Variants in ZNF687 observed in about 807,000 individuals in gnomAD.
The protein encoded by ZNF687 is zinc finger protein 687.
A neutral mutation model predicts 71.8 loss-of-function variants in ZNF687; 13 were observed. That is an observed-to-expected ratio of 0.18 (90% CI 0.12 to 0.29). The LOEUF (loss-of-function observed/expected upper bound fraction) is 0.29, where lower values mean the gene tolerates loss of function less well. Ranked by LOEUF, ZNF687 falls within the 10% of genes least tolerant of loss-of-function variation. The pLI is 1.00. For missense variants in ZNF687, 1,412 were observed against 1,625.6 expected, an observed-to-expected ratio of 0.87 and a Z score of 2.26; for synonymous variants, 673 against 641.6, an observed-to-expected ratio of 1.05 and a Z score of -0.74.
In ZNF687 at chr1:151,291,393, GC is replaced by G. The variant is rs1694242507; in HGVS notation, c.*187del. ...TATTTGCAACCTCCCTTTGGGTTTG[GC>G]CCTGGAGTCCTAGTAGAGTGGACCC... On this transcript the variant is annotated 3_prime_UTR_variant, in exon 9 of 9. Coordinates refer to ENST00000336715, the MANE Select transcript of ZNF687 (RefSeq NM_020832.3). 1 of 782,134 alleles carries G rather than the reference GC, an allele frequency of 1.3e-6. No individual in the cohort carries two copies. Among genetic ancestry groups the G allele is most frequent in the South Asian group, 1.9e-5 (1 of 51,820 alleles). 48.4% of individuals were successfully genotyped at this position (782,134 alleles called of 1,614,324 possible). A position where few individuals can be genotyped will look rare whatever the true frequency, so the allele number is the denominator to read the frequency against.
chr1:151,284,596 T>C (rs190400574), intron 1 of ZNF687, among the ~76,000 whole-genome samples: 3 of 152,270 alleles, frequency 2.0e-5, no homozygotes, highest in African/African-American at 7.2e-5. Flanking sequence ...TGATCCTGCA[T>C]GACCCCTGAC....
intron 1 of ZNF687, chr1:151,283,934 A>G: frequency 1.0e-6 from 1 of 985,376 alleles, no homozygotes; most frequent in Non-Finnish European, 1.2e-6. Context: ...ATGGATAGGG[A>G]TAGACTCTTT....
rs942599798 is a variant in ZNF687 at position 151,282,299 on chromosome 1, AG to A, written c.-112del. 1 of 1,002,592 alleles carries A rather than the reference AG, an allele frequency of 1.0e-6. No homozygotes were observed. The highest frequency in any genetic ancestry group is 1.7e-5 in the African/African-American group (1 of 57,824). 62.1% of individuals were successfully genotyped at this position (1,002,592 alleles called of 1,614,324 possible). A position where few individuals can be genotyped will look rare whatever the true frequency, so the allele number is the denominator to read the frequency against. ...TGGGGAGGCCGAACCGGAGAGAAGCAGGAAGTAGCGGCGGCCGCGGGGAGGG... is the reference window on the plus strand; with the variant it reads ...TGGGGAGGCCGAACCGGAGAGAAGCAGAAGTAGCGGCGGCCGCGGGGAGGG... On this transcript the variant is annotated 5_prime_UTR_variant, in exon 1 of 9. Transcript: ENST00000336715.
At chr1:151,282,636 C>T (rs926008376) in intron 1 of ZNF687, among the ~76,000 whole-genome samples, 2 of 152,166 alleles carry the variant, frequency 1.3e-5, no homozygotes, top group African/African-American at 4.8e-5. Flanking sequence ...AACCCCAGGT[C>T]CTGGCGCCCC....
chr1:151,287,269 G>A lies in ZNF687; in HGVS notation c.978G>A (p.Arg326=), dbSNP rs141784082. 10 of 1,614,086 alleles carry A rather than the reference G, an allele frequency of 6.2e-6. No homozygotes were observed. In the Admixed American group the frequency reaches 8.3e-5, roughly 13 times the overall value. Residue 326 remains arginine (R), a synonymous_variant, in exon 2 of 9, where the codon AGG becomes AGA. Coordinates refer to ENST00000336715, the MANE Select transcript of ZNF687 (RefSeq NM_020832.3). This position sits in a 1 kb window ranked among gnomAD's most constrained non-coding sequence, Gnocchi z 5.0. ...SNDSPASSSS[R]PLKVRIKTIK... is the part of the protein sequence containing the mutation. ...ACTCCCCTGCCTCCAGCTCCTCTAG[G>A]CCTCTTAAGGTGCGGATCAAGACCA... is the stretch of plus-strand genomic sequence containing the variant.
At position 151,286,631 on chromosome 1, in the gene ZNF687, A is replaced by G; in HGVS notation, c.340A>G (p.Lys114Glu). ...GDGAQAAGVT[K>E]EGPVGPHRMQ... ...CGGGGCCCAGGCTGCTGGGGTAACT[A>G]AAGAAGGGCCTGTGGGGCCTCATCG... Residue 114 changes from lysine to glutamate, a missense_variant, in exon 2 of 9, where the codon AAA (lysine) becomes GAA (glutamate). Transcript: ENST00000336715. 1.2e-6 allele frequency: 2 copies of G among 1,614,214 alleles called. No homozygotes were observed. Among genetic ancestry groups the G allele is most frequent in the Non-Finnish European group, 1.7e-6 (2 of 1,180,034 alleles).
intron 1 of ZNF687, chr1:151,284,332 C>A: frequency 1.1e-6 from 1 of 930,086 alleles, no homozygotes; most frequent in East Asian, 1.2e-4. Flanking sequence ...GAAGGGCTGG[C>A]TAGGGGAGGG....
At position 151,289,786 on chromosome 1, in the gene ZNF687, G is replaced by A. The variant is rs587733798; in HGVS notation, c.2743G>A (p.Ala915Thr). ...PEELAVSQGG[A>T]APATEESSSS... The stretch of plus-strand genomic sequence containing the variant: ...GGAGCTGGCTGTTTCTCAGGGAGGG[G>A]CAGCCCCTGCTACTGAGGAGTCGTC... Residue 915 changes from alanine to threonine, a missense_variant, in exon 6 of 9, where the codon GCA becomes ACA. Coordinates refer to ENST00000336715, the MANE Select transcript of ZNF687 (RefSeq NM_020832.3). 7.0e-5 allele frequency: 109 copies of A among 1,562,978 alleles called. No homozygotes were observed. The African/African-American group carries it at 1.4e-3, about 19-fold the overall frequency.
At position 151,289,381 on chromosome 1, in the gene ZNF687, G is replaced by C; in HGVS notation, c.2475G>C (p.Leu825=). Residue 825 remains leucine, a synonymous_variant, in exon 5 of 9, where the codon CTG becomes CTC. Transcript: ENST00000336715. ...GTCTGCACTGTCCTCACTTCAGGCT[G>C]ATCTACAAGTGCGCCATGTGCGACA... ...HPSFQTQQAK[L]IYKCAMCDTV... 6.2e-7 allele frequency: 1 copy of C among 1,614,160 alleles called. No homozygotes were observed. The highest frequency in any genetic ancestry group is 1.1e-5 in the South Asian group (1 of 91,090).
At position 151,290,145 on chromosome 1, in the gene ZNF687, C is replaced by A. The variant is rs781745007; in HGVS notation, c.2988C>A (p.Arg996=). ...AGTCAGTGAAAAAGTTCCCCTGTCG[C>A]CTGTGTGAGCGCTCCTTCTGCTCCG... The part of the protein sequence containing the change: ...HGKSVKKFPC[R]LCERSFCSAP... Residue 996 remains arginine, a synonymous_variant, in exon 7 of 9, where the codon CGC becomes CGA. Transcript: ENST00000336715. 2.2e-5 allele frequency: 36 copies of A among 1,614,054 alleles called. No homozygotes were observed. Among genetic ancestry groups the A allele is most frequent in the Non-Finnish European group, 3.0e-5 (35 of 1,180,026 alleles).
Position 151,291,343 on chromosome 1 carries a change from A to G in ZNF687, c.*134A>G. 1 of 1,233,910 alleles carries G rather than the reference A, an allele frequency of 8.1e-7. No homozygotes were observed. The highest frequency in any genetic ancestry group is 1.1e-6 in the Non-Finnish European group (1 of 914,306). The allele number at this position is 1,233,910 out of a possible 1,614,324, so 76.4% of individuals were successfully genotyped here. A position where few individuals can be genotyped will look rare whatever the true frequency, so the allele number is the denominator to read the frequency against. ...TTCCTGTCTCTCCAACCTGAAGAAG[A>G]AGAGCATTTGAGGATTATTCTAGTT... On this transcript the variant is annotated 3_prime_UTR_variant, in exon 9 of 9. Coordinates refer to ENST00000336715, the MANE Select transcript of ZNF687 (RefSeq NM_020832.3).
upstream of ZNF687, chr1:151,282,199 G>C: frequency 3.7e-6 from 4 of 1,068,088 alleles, no homozygotes; most frequent in Non-Finnish European, 4.6e-6. Flanking sequence ...ACAGGGCTGA[G>C]CGACGGGGGC....
chr1:151,289,102 A>G lies in ZNF687; in HGVS notation c.2302A>G (p.Ser768Gly). ...VSRRVGYRCP[S>G]CSVVFGGVNS... ...CTCCTGCTTCCTCCCTAGGTGCCCC[A>G]GCTGTTCAGTGGTGTTTGGGGGTGT... Residue 768 changes from serine (S) to glycine (G), a missense_variant, in exon 4 of 9, where the codon AGC becomes GGC. Transcript: ENST00000336715. 1.2e-6 allele frequency: 2 copies of G among 1,614,012 alleles called. No individual in the cohort carries two copies. The highest frequency in any genetic ancestry group is 1.7e-6 in the Non-Finnish European group (2 of 1,179,918).
At position 151,286,776 on chromosome 1, in the gene ZNF687, T is replaced by G. The variant is rs1043590609; in HGVS notation, c.485T>G (p.Leu162Arg). The G allele has an allele frequency of 1.2e-6, 2 of 1,614,206 alleles. No homozygotes were observed. Among genetic ancestry groups the G allele is most frequent in the Non-Finnish European group, 1.7e-6 (2 of 1,180,030 alleles). Reference sequence around the variant, plus strand: ...ATGGAAGGCAAAACTCCCTTGGACCTGTTTGCTCATTTTGGCCCTGAGCCA... The same window carrying G: ...ATGGAAGGCAAAACTCCCTTGGACCGGTTTGCTCATTTTGGCCCTGAGCCA... ...KGMEGKTPLD[L>R]FAHFGPEPGD... Residue 162 changes from leucine (L) to arginine (R), a missense_variant, in exon 2 of 9, where the codon CTG (leucine) becomes CGG (arginine). Physicochemically the swap from Leu to Arg is moderately radical, Grantham distance 102. Transcript: ENST00000336715.
In ZNF687 at chr1:151,291,072, C is replaced by T. The variant is rs775551768; in HGVS notation, c.3577C>T (p.Leu1193=). ...TGACCCCGATGGTGGAGACTCACCC[C>T]TGCCTGCTTCTGGAGGCCCACTGAC... ...RSDPDGGDSP[L]PASGGPLTCK... Residue 1193 remains leucine, a synonymous_variant, in exon 9 of 9, where the codon CTG becomes TTG. Coordinates refer to ENST00000336715, the MANE Select transcript of ZNF687 (RefSeq NM_020832.3). The T allele has an allele frequency of 8.1e-6, 13 of 1,613,656 alleles. No individual in the cohort carries two copies. The highest frequency in any genetic ancestry group is 1.3e-5 in the African/African-American group (1 of 74,920).
Position 151,288,694 on chromosome 1 carries a change from G to T in ZNF687, c.2282G>T (p.Arg761Leu). ...LREACLHVSRRVGYRCPSCSV... is the reference protein window; with the variant it reads ...LREACLHVSRLVGYRCPSCSV... ...GAGGCCTGTCTGCACGTCTCTCGCCGTGTAGGATACAGGTGCCTCGGACCC... is the reference window on the plus strand; with the variant it reads ...GAGGCCTGTCTGCACGTCTCTCGCCTTGTAGGATACAGGTGCCTCGGACCC... Residue 761 changes from arginine (R) to leucine (L), a missense_variant, in exon 3 of 9, where the codon CGT (arginine) becomes CTT (leucine). This residue lies in a region of ZNF687 where 207 missense variants were observed against 239.2 expected (regional missense o/e 0.87). Coordinates refer to ENST00000336715, the MANE Select transcript of ZNF687 (RefSeq NM_020832.3). 1 of 1,612,754 alleles carries T rather than the reference G, an allele frequency of 6.2e-7. No homozygotes were observed. The highest frequency in any genetic ancestry group is 8.5e-7 in the Non-Finnish European group (1 of 1,179,250).
chr1:151,282,187 G>C (rs1197601319), upstream of ZNF687: 1 of 1,097,626 alleles, frequency 9.1e-7, no homozygotes, highest in African/African-American at 1.6e-5. Flanking sequence ...GCTGGAAGGG[G>C]CACAGGGCTG....
intron 1 of ZNF687, 35 bp downstream of exon 1, chr1:151,282,430 T>A (rs1693749619): frequency 1.0e-6 from 1 of 985,482 alleles, no homozygotes; most frequent in Non-Finnish European, 1.2e-6. Flanking sequence ...CGCCCTTGGC[T>A]CCGCCCCCTT....
In ZNF687 at chr1:151,289,532, C is replaced by T. The variant is rs1166658571; in HGVS notation, c.2626C>T (p.His876Tyr). Residue 876 changes from histidine (H) to tyrosine (Y), a missense_variant, in exon 5 of 9, where the codon CAT (histidine) becomes TAT (tyrosine). Physicochemically the swap from His to Tyr is moderately conservative, Grantham distance 83. This residue lies in a region of ZNF687 where 106 missense variants were observed against 146.0 expected (regional missense o/e 0.73). Transcript: ENST00000336715. ...LFAQKRTMLE[H>Y]LKNTHQSGRL... is the part of the protein sequence containing the mutation. ...TGCCCAAAAAAGGACCATGCTGGAA[C>T]ATCTCAAGGTACAGGAGCAGAGGGA... 1.2e-6 allele frequency: 2 copies of T among 1,613,976 alleles called. No homozygotes were observed. The highest frequency in any genetic ancestry group is 1.7e-6 in the Non-Finnish European group (2 of 1,180,048).
Sources: gnomAD v4.1 joint callset for allele counts (sites outside exome capture counted in the v4.1 genomes callset) on GRCh38, gnomAD v4.1.1 for gene constraint, gnomAD v4.1.1 regional missense constraint, Gnocchi (gnomAD v3.1) non-coding constraint, MANE v1.5 for transcripts, NCBI Gene and HGNC (gene_info 2026-07-23, HGNC 2026-07-21) for gene names.